Variants in RYR1 observed in about 807,000 individuals in gnomAD.
RYR1 encodes ryanodine receptor 1, also known as central core disease of muscle.
RYR1 carries 342 observed loss-of-function variants against 583.5 expected under a neutral mutation model. The observed-to-expected ratio is 0.59, with a 90% CI of 0.54 to 0.64. The LOEUF is 0.64. Ranked by LOEUF, RYR1 falls within the 30% of genes least tolerant of loss-of-function variation. The pLI, the probability that RYR1 is intolerant of heterozygous loss-of-function variation, is 0.00. For missense variants in RYR1, 6,032 were observed against 6,917.2 expected (o/e 0.87, Z 4.54); for synonymous variants, 2,791 against 2,822.5 (o/e 0.99, Z 0.35).
At chr19:38,443,482 T>TA (rs2145334996) in intron 3 of RYR1, 76 bp from the exon 4 acceptor site, 1 of 1,360,870 alleles carries the variant, frequency 7.3e-7, no homozygotes, top group African/African-American at 1.4e-5. Flanking sequence ...TTGTCACCTG[T>TA]GACTAGGCCA....
rs1159462432 is a variant in RYR1, at chr19:38,500,966, G to A, written c.7590G>A (p.Met2530Ile). The A allele has an allele frequency of 1.2e-6, 2 of 1,611,960 alleles. No homozygotes were observed. Among genetic ancestry groups the A allele is most frequent in the East Asian group, 2.2e-5 (1 of 44,874 alleles). Residue 2530 changes from methionine (M) to isoleucine (I), a missense_variant, in exon 47 of 106, where the codon ATG (methionine) becomes ATA (isoleucine). Met to Ile is a conservative substitution (Grantham distance 10). Coordinates refer to ENST00000359596, the MANE Select transcript of RYR1 (RefSeq NM_000540.3). This position sits in a 1 kb window ranked among gnomAD's most constrained non-coding sequence, Gnocchi z 5.9. ...TGGACGTGGGGTTCCTGCCCGACAT[G>A]AGGGCAGCCGCCTCGCTGGACACGG... ...HVLDVGFLPD[M>I]RAAASLDTAT...
intron 91 of RYR1, among the ~76,000 whole-genome samples, chr19:38,566,214 C>G (rs1041657506): frequency 1.3e-5 from 2 of 151,702 alleles, no homozygotes; most frequent in Admixed American, 6.6e-5. Flanking sequence ...TTTGGGAGGC[C>G]GAGGCGGGCC....
In RYR1 at chr19:38,561,238, C is replaced by T. The variant is rs957548152; in HGVS notation, c.12408C>T (p.Arg4136=). Residue 4136 remains arginine (R), a synonymous_variant, in exon 90 of 106, where the codon CGC becomes CGT. Transcript: ENST00000359596. This position sits in a 1 kb window ranked among gnomAD's most constrained non-coding sequence, Gnocchi z 4.8. ...CCAACCGCTTCCAGGAGCCAGCACG[C>T]GACATCGGCTTCAACGTGGCGGTGC... ...EFANRFQEPA[R]DIGFNVAVLL... is the part of the protein sequence containing the mutation. The T allele has an allele frequency of 1.2e-6, 2 of 1,614,102 alleles. No homozygotes were observed. Among genetic ancestry groups the T allele is most frequent in the South Asian group, 1.1e-5 (1 of 91,088 alleles).
chr19:38,480,707 T>C (rs917564414), intron 31 of RYR1, among the ~76,000 whole-genome samples: 9 of 152,076 alleles, frequency 5.9e-5, no homozygotes. Flanking sequence ...TGAATCAGAA[T>C]CTAAGTAGGG....
In RYR1 at chr19:38,471,569, CAG is replaced by C. The variant is rs1327183308; in HGVS notation, c.3766-1805_3766-1804del. 7.9e-5 allele frequency among the ~76,000 whole-genome samples: 12 copies of C among 151,308 alleles called. No homozygotes were observed. The East Asian group carries it at 2.0e-3, about 25-fold the overall frequency. The stretch of plus-strand genomic sequence containing the variant: ...GAATGCAGAAACCAGATTTATAAGA[CAG>C]AGGGGAGAAAGAGGAGAGAAAAAAG... On this transcript the variant is annotated intron_variant, in intron 27 of 105. Coordinates refer to ENST00000359596, the MANE Select transcript of RYR1 (RefSeq NM_000540.3).
rs1967326913 is a variant in RYR1, at chr19:38,455,526, A to G, written c.1652A>G (p.Asp551Gly). Residue 551 changes from aspartate (D) to glycine (G), a missense_variant, in exon 15 of 106, where the codon GAT (aspartate) becomes GGT (glycine). Transcript: ENST00000359596. ...TTGGACTGGCTGGTCAGCAAGCTGG[A>G]TCGGCTGGAGGCCTCGTCTGGTAGG... ...TNLDWLVSKLDRLEASSGILE... is the reference protein window; with the variant it reads ...TNLDWLVSKLGRLEASSGILE... 6.2e-7 allele frequency: 1 copy of G among 1,613,924 alleles called. No homozygotes were observed. Among genetic ancestry groups the G allele is most frequent in the Admixed American group, 1.7e-5 (1 of 59,966 alleles).
intron 55 of RYR1, 46 bp from the exon 56 acceptor site, chr19:38,506,425 G>C (rs771060087): frequency 6.2e-7 from 1 of 1,613,724 alleles, no homozygotes; most frequent in Admixed American, 1.7e-5. Context: ...CTTTGGGGGG[G>C]CTGGCATCCT....
chr19:38,456,926 G>A (rs1339040447), intron 16 of RYR1, among the ~76,000 whole-genome samples: 1 of 150,942 alleles, frequency 6.6e-6, no homozygotes, highest in Non-Finnish European at 1.5e-5. Flanking sequence ...GGCGCCTGTA[G>A]TCCCAGCTAC....
intron 67 of RYR1, among the ~76,000 whole-genome samples, 153 bp from the exon 68 acceptor site, chr19:38,522,875 A>G (rs1044113816): frequency 3.0e-4 from 46 of 151,990 alleles, no homozygotes; most frequent in African/African-American, 1.1e-3. Flanking sequence ...AAATTTTTTT[A>G]ATGTTCATCT....
chr19:38,524,316 G>A (rs912950782), intron 70 of RYR1, among the ~76,000 whole-genome samples: 19 of 78 alleles, frequency 0.24, no homozygotes, highest in East Asian at 0.46. Flanking sequence ...CACCCTCGCC[G>A]TGGATGGTTT....
intron 76 of RYR1, among the ~76,000 whole-genome samples, chr19:38,531,967 A>G (rs894749989): frequency 2.0e-5 from 3 of 152,162 alleles, no homozygotes; most frequent in African/African-American, 7.2e-5. Context: ...CATGGACAAC[A>G]TGACCATTTC....
In RYR1 at chr19:38,485,852, T is replaced by G; in HGVS notation, c.5197T>G (p.Tyr1733Asp). ...CRSRRSMLSEYIVPLTPETRA... is the reference protein window; with the variant it reads ...CRSRRSMLSEDIVPLTPETRA... Reference sequence around the variant, plus strand: ...CAGCCGCCGCTCCATGCTCTCTGAATACATCGTGCCCCTCACGCCTGAGAC... The same window carrying G: ...CAGCCGCCGCTCCATGCTCTCTGAAGACATCGTGCCCCTCACGCCTGAGAC... Residue 1733 changes from tyrosine to aspartate, a missense_variant, in exon 34 of 106, where the codon TAC becomes GAC. By Grantham distance (160) the Tyr-to-Asp change is radical. Transcript: ENST00000359596. The G allele has an allele frequency of 6.2e-7, 1 of 1,613,750 alleles. No homozygotes were observed. Among genetic ancestry groups the G allele is most frequent in the South Asian group, 1.1e-5 (1 of 91,092 alleles).
intron 14 of RYR1, 22 bp downstream of exon 14, chr19:38,455,392 C>T: frequency 6.2e-7 from 1 of 1,614,070 alleles, no homozygotes; most frequent in Non-Finnish European, 8.5e-7. Flanking sequence ...AGTCCTGACT[C>T]CCCTGAGAAC....
Position 38,504,753 on chromosome 19 carries a change from C to A in RYR1, c.8073C>A (p.Tyr2691Ter). The change falls in exon 51 of 106, where the codon TAC becomes TAA. Residue 2691 changes from tyrosine to a stop codon, truncating the protein, a stop_gained. Transcript: ENST00000359596. LOFTEE classifies it high-confidence loss of function. Reference sequence around the variant, plus strand: ...GCTTCACCCGGTTTTCCCAGAAATACGACCCGGAGCTGTACCGCATGGCCA... The same window carrying A: ...GCTTCACCCGGTTTTCCCAGAAATAAGACCCGGAGCTGTACCGCATGGCCA... Reference protein sequence around the residue: ...GIFDSLAHKKYDPELYRMAMP... With the variant: ...GIFDSLAHKK 1 of 1,614,090 alleles carries A rather than the reference C, an allele frequency of 6.2e-7. No individual in the cohort carries two copies.
At chr19:38,517,204 G>C (rs1413283941) in intron 65 of RYR1, among the ~76,000 whole-genome samples, 155 bp from the exon 66 acceptor site, 1 of 151,794 alleles carries the variant, frequency 6.6e-6, no homozygotes, top group Non-Finnish European at 1.5e-5. Flanking sequence ...GGGAGAGGTA[G>C]TTGGGTTGGA....
rs1568597067 is a variant in RYR1, at chr19:38,574,164, G to A, written c.14129+857G>A. Among the ~76,000 whole-genome samples, 4 of 151,322 alleles carry A rather than the reference G, an allele frequency of 2.6e-5. No individual in the cohort carries two copies. In the South Asian group the frequency reaches 8.3e-4, roughly 31 times the overall value. On this transcript the variant is annotated intron_variant, in intron 96 of 105. Coordinates refer to ENST00000359596, the MANE Select transcript of RYR1 (RefSeq NM_000540.3). ...GGTCCTAGCTACTCCGGAGGCTGAG[G>A]CATGAGAATCACTTAAACCTGCGAG...
chr19:38,527,825 C>G (rs1568541099), intron 73 of RYR1, 41 bp downstream of exon 73: 6 of 1,602,970 alleles, frequency 3.7e-6, no homozygotes, highest in Non-Finnish European at 3.4e-6. Context: ...GGTCTCTGGG[C>G]GGAGCCTGGC....
intron 87 of RYR1, among the ~76,000 whole-genome samples, chr19:38,545,302 G>A (rs1386855348): frequency 1.3e-5 from 2 of 152,164 alleles, no homozygotes; most frequent in East Asian, 3.8e-4. Context: ...ACTGAATCAT[G>A]GGTAGGCACA....
rs1215883465 is a variant in RYR1 at position 38,543,558 on chromosome 19, C to T, written c.11805C>T (p.Tyr3935=). 9.9e-6 allele frequency: 16 copies of T among 1,614,044 alleles called. No individual in the cohort carries two copies. Among genetic ancestry groups the T allele is most frequent in the Non-Finnish European group, 1.4e-5 (16 of 1,179,932 alleles). The change falls in exon 86 of 106, where the codon TAC becomes TAT. Residue 3935 remains tyrosine (Y), a synonymous_variant. Transcript: ENST00000359596. This position sits in a 1 kb window ranked among gnomAD's most constrained non-coding sequence, Gnocchi z 4.4. ...AATCCATCAGCGACTTCTACTGGTA[C>T]TACTCGGGCAAGGATGTCATTGAAG... ...LQESISDFYW[Y]YSGKDVIEEQ...
Sources: allele counts gnomAD v4.1 joint callset (sites outside exome capture counted in the v4.1 genomes callset), GRCh38; gene constraint gnomAD v4.1.1; non-coding constraint Gnocchi (gnomAD v3.1); transcripts MANE v1.5; gene names NCBI Gene and HGNC (gene_info 2026-07-23, HGNC 2026-07-21).